FGD6: variants seen among roughly 807,000 people sequenced by gnomAD.
FGD6 encodes the protein FYVE, RhoGEF and PH domain-containing protein 6.
FGD6 carries 90 observed loss-of-function variants against 149.4 expected under a neutral mutation model. The ratio of observed to expected loss-of-function variants is 0.60; its 90% CI spans 0.51 to 0.72. The LOEUF (loss-of-function observed/expected upper bound fraction) is 0.72, where lower values mean the gene tolerates loss of function less well. Among genes scored for constraint, FGD6 ranks in the 30% least tolerant of loss-of-function variants. FGD6 has a pLI of 0.00. For missense variants in FGD6, 1,437 were observed against 1,684.8 expected (o/e 0.85, Z 2.57); for synonymous variants, 527 against 584.0 (o/e 0.90, Z 1.41).
In FGD6 at chr12:95,085,876, A is replaced by C; in HGVS notation, c.4011T>G (p.Ser1337Arg). Residue 1337 changes from serine to arginine, a missense_variant, in exon 19 of 21, where the codon AGT becomes AGG. Ser to Arg is a moderately radical substitution (Grantham distance 110). Around this residue, in one of 2 missense-constraint regions of FGD6, gnomAD observed 382 missense variants for 538.7 expected, o/e 0.71. Transcript: ENST00000343958. Reference protein sequence around the residue: ...VSANTEDSSMSGYLYRSKGNK... With the variant: ...VSANTEDSSMRGYLYRSKGNK... Reference sequence around the variant, plus strand: ...TGCCCTTTGATCTGTACAAGTAGCCACTCATAGAAGAATCCTCTGTGTTTG... The same window carrying C: ...TGCCCTTTGATCTGTACAAGTAGCCCCTCATAGAAGAATCCTCTGTGTTTG... 1 of 1,611,616 alleles carries C rather than the reference A, an allele frequency of 6.2e-7. No homozygotes were observed. Among genetic ancestry groups the C allele is most frequent in the Non-Finnish European group, 8.5e-7 (1 of 1,179,432 alleles).
At chr12:95,158,388 G>A (rs1185965128) in intron 3 of FGD6, among the ~76,000 whole-genome samples, 1 of 148,488 alleles carries the variant, frequency 6.7e-6, no homozygotes. Flanking sequence ...TGTTAGCCAG[G>A]ATGGTCTCGA....
Position 95,217,389 on chromosome 12 carries a change from A to C in FGD6, c.-149T>G. 6 of 1,264,666 alleles carry C rather than the reference A, an allele frequency of 4.7e-6. No individual in the cohort carries two copies. The highest frequency in any genetic ancestry group is 1.8e-5 in the South Asian group (1 of 56,944). The allele number at this position is 1,264,666 out of a possible 1,614,324, so 78.3% of individuals were successfully genotyped here. On this transcript the variant is annotated 5_prime_UTR_variant, in exon 1 of 21. Transcript: ENST00000343958. ...CCCCGCGGCGCAGCCTGAGCGCCAC[A>C]CAAAGGACGCGGCCGACTCTAGCGA...
intron 3 of FGD6, among the ~76,000 whole-genome samples, chr12:95,170,793 A>G (rs369901491): frequency 1.9e-4 from 29 of 152,368 alleles, no homozygotes; most frequent in African/African-American, 6.7e-4. Context: ...ACGAGCTTTC[A>G]AATTAAAGCA....
chr12:95,187,188 G>A (rs1881461026), intron 2 of FGD6, among the ~76,000 whole-genome samples: 2 of 151,468 alleles, frequency 1.3e-5, no homozygotes, highest in Admixed American at 6.6e-5. Context: ...AAAATTAGCT[G>A]GTCGTGGTGG....
rs1173446654 is a variant in FGD6, at chr12:95,082,984, TAAAAAAAAAAAAA to T, written c.4257-1441_4257-1429del. Among the ~76,000 whole-genome samples, 29 of 31,130 alleles carry T rather than the reference TAAAAAAAAAAAAA, an allele frequency of 9.3e-4. 1 individual carries two copies. The South Asian group carries it at 0.018, about 19-fold the overall frequency. The allele number at this position is 31,130 out of a possible 152,430, so 20.4% of individuals were successfully genotyped here. A position where few individuals can be genotyped will look rare whatever the true frequency, so the allele number is the denominator to read the frequency against. The stretch of plus-strand genomic sequence containing the variant: ...CAACATTGCTAGACTCTGTCTCCAT[TAAAAAAAAAAAAA>T]AAAAAAAAAAAAAAAATATATATAT... On this transcript the variant is annotated intron_variant, in intron 20 of 20. Transcript: ENST00000343958.
intron 14 of FGD6, among the ~76,000 whole-genome samples, chr12:95,095,303 C>G (rs944804030): frequency 5.9e-5 from 9 of 152,100 alleles, no homozygotes; most frequent in Admixed American, 4.6e-4. Context: ...CCCAGCTCAT[C>G]AGGAGGTATC....
intron 3 of FGD6, 85 bp from the exon 4 acceptor site, chr12:95,153,078 T>G: frequency 8.3e-7 from 1 of 1,202,950 alleles, no homozygotes; most frequent in South Asian, 1.3e-5. Flanking sequence ...ATTTTAACTC[T>G]GATACTTGTA....
In FGD6 at chr12:95,210,443, T is replaced by G. The variant is rs1245654963; in HGVS notation, c.841A>C (p.Ser281Arg). 2 of 1,614,018 alleles carry G rather than the reference T, an allele frequency of 1.2e-6. No individual in the cohort carries two copies. Among genetic ancestry groups the G allele is most frequent in the East Asian group, 2.2e-5 (1 of 44,904 alleles). Residue 281 changes from serine to arginine, a missense_variant, in exon 2 of 21, where the codon AGT becomes CGT. By Grantham distance (110) the Ser-to-Arg change is moderately radical. This residue lies in a region of FGD6 where 1,055 missense variants were observed against 1,146.0 expected (regional missense o/e 0.92). Coordinates refer to ENST00000343958, the MANE Select transcript of FGD6 (RefSeq NM_018351.4). ...ELEALENGKR[S>R]TLISSDGVSK... ...ACTCCATCTGAAGATATTAAAGTAC[T>G]CCTTTTCCCATTTTCCAGAGCCTCT...
rs535572385 is a variant in FGD6, at chr12:95,131,168, A to G, written c.3082+3571T>C. Among the ~76,000 whole-genome samples the G allele has an allele frequency of 5.4e-5, 8 of 149,374 alleles. No individual in the cohort carries two copies. In the South Asian group the frequency reaches 1.3e-3, roughly 24 times the overall value. On this transcript the variant is annotated intron_variant, in intron 8 of 20. Coordinates refer to ENST00000343958, the MANE Select transcript of FGD6 (RefSeq NM_018351.4). ...CTCTTCCTGGCTAGGCTAGAGTGCAATGGTGCGATCTCAGCTCACCACAAC... is the reference window on the plus strand; with the variant it reads ...CTCTTCCTGGCTAGGCTAGAGTGCAGTGGTGCGATCTCAGCTCACCACAAC...
At chr12:95,086,556 T>G (rs1341349941) in intron 18 of FGD6, among the ~76,000 whole-genome samples, 5 of 145,736 alleles carry the variant, frequency 3.4e-5, no homozygotes, top group Non-Finnish European at 7.5e-5. Context: ...TTTTTTTTTT[T>G]TGAGACTGAG....
At chr12:95,167,829 C>A (rs1880867283) in intron 3 of FGD6, among the ~76,000 whole-genome samples, 1 of 152,100 alleles carries the variant, frequency 6.6e-6, no homozygotes, top group Admixed American at 6.6e-5. Context: ...CCCGCCTCGA[C>A]CTCCCAAAGT....
chr12:95,169,756 G>C (rs955564034), intron 3 of FGD6, among the ~76,000 whole-genome samples: 1 of 152,190 alleles, frequency 6.6e-6, no homozygotes, highest in Non-Finnish European at 1.5e-5. Flanking sequence ...AAGAGTGTCT[G>C]CTAGGAAAAG....
At chr12:95,142,070 A>G (rs74965933) in intron 5 of FGD6, among the ~76,000 whole-genome samples, 2,423 of 151,664 alleles carry the variant, frequency 0.016, 73 homozygotes, top group African/African-American at 0.056. Flanking sequence ...CAGTGGCCCA[A>G]TCTCAGCTCA....
chr12:95,139,943 G>C (rs1023799625), intron 6 of FGD6, among the ~76,000 whole-genome samples: 1 of 151,938 alleles, frequency 6.6e-6, no homozygotes, highest in East Asian at 1.9e-4. Flanking sequence ...GGCCTATCAC[G>C]ACCTTTAAAG....
At chr12:95,175,314 C>G (rs1881103845) in intron 2 of FGD6, among the ~76,000 whole-genome samples, 2 of 152,098 alleles carry the variant, frequency 1.3e-5, no homozygotes, top group African/African-American at 4.8e-5. Flanking sequence ...GCCCAACACA[C>G]AAGAGACCCT....
At chr12:95,136,222 G>A (rs1297756422) in intron 7 of FGD6, among the ~76,000 whole-genome samples, 1 of 152,058 alleles carries the variant, frequency 6.6e-6, no homozygotes, top group East Asian at 1.9e-4. Context: ...GCTGGGCATG[G>A]TGGCACATGC....
chr12:95,171,330 T>C (rs961151998), intron 3 of FGD6, among the ~76,000 whole-genome samples: 1 of 152,238 alleles, frequency 6.6e-6, no homozygotes, highest in African/African-American at 2.4e-5. Flanking sequence ...TTATGGCACA[T>C]GAATTTTCTC....
chr12:95,123,325 T>C (rs1879246857), intron 8 of FGD6, among the ~76,000 whole-genome samples: 1 of 152,010 alleles, frequency 6.6e-6, no homozygotes, highest in African/African-American at 2.4e-5. Context: ...GCAGGCATCC[T>C]TGTCCAAGAA....
chr12:95,202,832 C>G (rs868338069), intron 2 of FGD6, among the ~76,000 whole-genome samples: 2 of 152,146 alleles, frequency 1.3e-5, no homozygotes, highest in Non-Finnish European at 2.9e-5. Context: ...AATTCTAACA[C>G]GAGAAACACA....
Sources: gnomAD v4.1 joint callset for allele counts (sites outside exome capture counted in the v4.1 genomes callset) on GRCh38, gnomAD v4.1.1 for gene constraint, gnomAD v4.1.1 regional missense constraint, MANE v1.5 for transcripts, NCBI Gene and HGNC (gene_info 2026-07-23, HGNC 2026-07-21) for gene names.